OR5M1: variants seen among roughly 807,000 people sequenced by gnomAD.
OR5M1 encodes the protein olfactory receptor 5M1.
For synonymous variants in OR5M1, 165 were observed against 144.2 expected, an observed-to-expected ratio of 1.14 and a Z score of -1.04; for missense variants, 367 against 379.5, an observed-to-expected ratio of 0.97 and a Z score of 0.27.
chr11:56,613,367 T>A lies in OR5M1; in HGVS notation c.136A>T (p.Ile46Phe), dbSNP rs576331698. 1.5e-5 allele frequency: 25 copies of A among 1,613,634 alleles called. No individual in the cohort carries two copies. In the South Asian group the frequency reaches 2.5e-4, roughly 16 times the overall value. The stretch of plus-strand genomic sequence containing the variant: ...TGGGAATTGGTCCTGATCAGCAGGA[T>A]CATGCACAGGTTGCCTGCCAGTGTG... ...LITLAGNLCM[I>F]LLIRTNSHLQ... Residue 46 changes from isoleucine (I) to phenylalanine (F), a missense_variant, in exon 2 of 2, where the codon ATC becomes TTC. Ile to Phe is a conservative substitution (Grantham distance 21). Transcript: ENST00000641076.
At position 56,612,696 on chromosome 11, in the gene OR5M1, C is replaced by T. The variant is rs768629374; in HGVS notation, c.807G>A (p.Glu269=). The T allele has an allele frequency of 1.2e-6, 2 of 1,613,842 alleles. No homozygotes were observed. The highest frequency in any genetic ancestry group is 1.7e-6 in the Non-Finnish European group (2 of 1,179,796). ...AAAAGACTGCAGTTATTTTGGACTC[C>T]TCTACAGACTTCTCTGATGGAGGCC... is the stretch of plus-strand genomic sequence containing the variant. ...YVRPPSEKSV[E]ESKITAVFYT... Residue 269 remains glutamate, a synonymous_variant, in exon 2 of 2, where the codon GAG becomes GAA. Transcript: ENST00000641076.
At chr11:56,614,234 G>T (rs1248970730) in intron 1 of OR5M1, among the ~76,000 whole-genome samples, 1 of 152,008 alleles carries the variant, frequency 6.6e-6, no homozygotes, top group Non-Finnish European at 1.5e-5. Context: ...CCCAGCTCAG[G>T]GAGCACACAT....
rs888433292 is a variant in OR5M1, at chr11:56,609,291, T to C, written c.*3264A>G. 1.1e-4 allele frequency: 16 copies of C among 152,014 alleles called. No homozygotes were observed. Among genetic ancestry groups the C allele is most frequent in the Non-Finnish European group, 1.9e-4 (13 of 67,814 alleles). 9.4% of individuals were successfully genotyped at this position (152,014 alleles called of 1,614,324 possible). A position where few individuals can be genotyped will look rare whatever the true frequency, so the allele number is the denominator to read the frequency against. On this transcript the variant is annotated 3_prime_UTR_variant, in exon 2 of 2. Transcript: ENST00000641076. ...TAACAGCAATAAGCAAAAGGTCACA[T>C]TTTTCCAAATAGAAATACAAACATT...
chr11:56,613,421 A>G lies in OR5M1; in HGVS notation c.82T>C (p.Phe28Leu), dbSNP rs762506607. 6.2e-7 allele frequency: 1 copy of G among 1,613,682 alleles called. No homozygotes were observed. Among genetic ancestry groups the G allele is most frequent in the East Asian group, 2.2e-5 (1 of 44,874 alleles). Reference sequence around the variant, plus strand: ...AGGTAGATCGCAAGGAATACCCCAAACAGGATCTTCTCTAGCACTGGGTCG... The same window carrying G: ...AGGTAGATCGCAAGGAATACCCCAAGCAGGATCTTCTCTAGCACTGGGTCG... The part of the protein sequence containing the change: ...TDDPVLEKIL[F>L]GVFLAIYLIT... Residue 28 changes from phenylalanine (F) to leucine (L), a missense_variant, in exon 2 of 2, where the codon TTT becomes CTT. Transcript: ENST00000641076.
chr11:56,613,815 G>T (rs1234813045), intron 1 of OR5M1, among the ~76,000 whole-genome samples: 1 of 151,784 alleles, frequency 6.6e-6, no homozygotes, highest in Non-Finnish European at 1.5e-5. Context: ...TGTCTTCTTG[G>T]TGTACTCCAC....
chr11:56,612,803 T>C lies in OR5M1; in HGVS notation c.700A>G (p.Arg234Gly). ...GCACACGTAGAAAAGGCTTTGTGCC[T>C]GCCTTCAGCAGAACGGATCCTGAAG... ...AIFRIRSAEG[R>G]HKAFSTCASH... is the part of the protein sequence containing the mutation. The change falls in exon 2 of 2, where the codon AGG becomes GGG. Residue 234 changes from arginine to glycine, a missense_variant. Coordinates refer to ENST00000641076, the MANE Select transcript of OR5M1 (RefSeq NM_001004740.2). 6.2e-7 allele frequency: 1 copy of C among 1,613,736 alleles called. No individual in the cohort carries two copies. Among genetic ancestry groups the C allele is most frequent in the Non-Finnish European group, 8.5e-7 (1 of 1,179,760 alleles).
Position 56,610,102 on chromosome 11 carries a change from G to A in OR5M1, c.*2453C>T, listed in dbSNP as rs568409030. The A allele has an allele frequency of 2.6e-5, 4 of 151,956 alleles. No individual in the cohort carries two copies. The highest frequency in any genetic ancestry group is 5.9e-5 in the Non-Finnish European group (4 of 67,902). 9.4% of individuals were successfully genotyped at this position (151,956 alleles called of 1,614,324 possible). The stretch of plus-strand genomic sequence containing the variant: ...AAAATATAAAGAAAATGTATCCTTT[G>A]TCACAGGACAGATCCCTCATAAATT... On this transcript the variant is annotated 3_prime_UTR_variant, in exon 2 of 2. Transcript: ENST00000641076.
rs1290455420 is a variant in OR5M1 at position 56,611,415 on chromosome 11, C to T, written c.*1140G>A. On this transcript the variant is annotated 3_prime_UTR_variant, in exon 2 of 2. Coordinates refer to ENST00000641076, the MANE Select transcript of OR5M1 (RefSeq NM_001004740.2). ...AATATTCTGGAAAACCATTTGAACA[C>T]TTTATAGTAGATATAGTAGTTGATA... 2 of 152,028 alleles carry T rather than the reference C, an allele frequency of 1.3e-5. No individual in the cohort carries two copies. Among genetic ancestry groups the T allele is most frequent in the Admixed American group, 1.3e-4 (2 of 15,244 alleles). 9.4% of individuals were successfully genotyped at this position (152,028 alleles called of 1,614,324 possible). A position where few individuals can be genotyped will look rare whatever the true frequency, so the allele number is the denominator to read the frequency against.
chr11:56,611,498 A>G lies in OR5M1; in HGVS notation c.*1057T>C, dbSNP rs1049636896. ...TGGTGTTAGTTAATATCAGAGTGCA[A>G]AATATTAAAATGCCAAACATATGAG... On this transcript the variant is annotated 3_prime_UTR_variant, in exon 2 of 2. Transcript: ENST00000641076. 2 of 152,138 alleles carry G rather than the reference A, an allele frequency of 1.3e-5. No homozygotes were observed. Among genetic ancestry groups the G allele is most frequent in the Admixed American group, 6.6e-5 (1 of 15,260 alleles). 9.4% of individuals were successfully genotyped at this position (152,138 alleles called of 1,614,324 possible).
Position 56,609,770 on chromosome 11 carries a change from G to A in OR5M1, c.*2785C>T, listed in dbSNP as rs979902706. 1.3e-5 allele frequency: 2 copies of A among 151,954 alleles called. No homozygotes were observed. Among genetic ancestry groups the A allele is most frequent in the African/African-American group, 4.8e-5 (2 of 41,448 alleles). 9.4% of individuals were successfully genotyped at this position (151,954 alleles called of 1,614,324 possible). A position where few individuals can be genotyped will look rare whatever the true frequency, so the allele number is the denominator to read the frequency against. On this transcript the variant is annotated 3_prime_UTR_variant, in exon 2 of 2. Transcript: ENST00000641076. ...CAAATGGAATAAAACACAAGTGAAT[G>A]CTGAGTTCAGCTCTCTTCAGGTAGG...
rs1342431851 is a variant in OR5M1, at chr11:56,611,412, A to G, written c.*1143T>C. 6.6e-6 allele frequency: 1 copy of G among 152,138 alleles called. No homozygotes were observed. Among genetic ancestry groups the G allele is most frequent in the East Asian group, 1.9e-4 (1 of 5,194 alleles). The allele number at this position is 152,138 out of a possible 1,614,324, so 9.4% of individuals were successfully genotyped here. A position where few individuals can be genotyped will look rare whatever the true frequency, so the allele number is the denominator to read the frequency against. ...CTTAATATTCTGGAAAACCATTTGAACACTTTATAGTAGATATAGTAGTTG... is the reference window on the plus strand; with the variant it reads ...CTTAATATTCTGGAAAACCATTTGAGCACTTTATAGTAGATATAGTAGTTG... On this transcript the variant is annotated 3_prime_UTR_variant, in exon 2 of 2. Coordinates refer to ENST00000641076, the MANE Select transcript of OR5M1 (RefSeq NM_001004740.2).
In OR5M1 at chr11:56,611,280, C is replaced by G. The variant is rs1012027506; in HGVS notation, c.*1275G>C. Reference sequence around the variant, plus strand: ...AATTCTTGTCACCGAAATTTGCCTTCCTTCTTTTTCAGATACTGTTTCTGA... The same window carrying G: ...AATTCTTGTCACCGAAATTTGCCTTGCTTCTTTTTCAGATACTGTTTCTGA... On this transcript the variant is annotated 3_prime_UTR_variant, in exon 2 of 2. Coordinates refer to ENST00000641076, the MANE Select transcript of OR5M1 (RefSeq NM_001004740.2). 5.9e-5 allele frequency: 9 copies of G among 152,228 alleles called. No individual in the cohort carries two copies. Among genetic ancestry groups the G allele is most frequent in the Middle Eastern group, 3.4e-3 (1 of 294 alleles). 9.4% of individuals were successfully genotyped at this position (152,228 alleles called of 1,614,324 possible).
chr11:56,613,661 T>A, intron 1 of OR5M1, 142 bp from the exon 2 acceptor site: 1 of 680,600 alleles, frequency 1.5e-6, no homozygotes, highest in Non-Finnish European at 2.5e-6. Context: ...AAATTTTACA[T>A]AACATTGTCT....
rs765232857 is a variant in OR5M1, at chr11:56,610,151, C to T, written c.*2404G>A. The T allele has an allele frequency of 8.6e-5, 13 of 151,902 alleles. No homozygotes were observed. The highest frequency in any genetic ancestry group is 3.1e-4 in the African/African-American group (13 of 41,410). The allele number at this position is 151,902 out of a possible 1,614,324, so 9.4% of individuals were successfully genotyped here. ...TTTTACTCCCTCATATTTGTCTGTA[C>T]CTGGTAATTAATTAATATGAATATG... On this transcript the variant is annotated 3_prime_UTR_variant, in exon 2 of 2. Transcript: ENST00000641076.
At chr11:56,613,760 A>T (rs766480341) in intron 1 of OR5M1, among the ~76,000 whole-genome samples, 2 of 152,212 alleles carry the variant, frequency 1.3e-5, no homozygotes, top group African/African-American at 2.4e-5. Flanking sequence ...TCTCTCTGCC[A>T]TACATGTATA....
Position 56,613,474 on chromosome 11 carries a change from G to C in OR5M1, c.29C>G (p.Thr10Arg), listed in dbSNP as rs1853709262. MFSPNHTIVTEFILLGLTDD... is the reference protein window; with the variant it reads MFSPNHTIVREFILLGLTDD... ...TGTCAGTCCCAAGAGAATGAATTCTGTCACTATGGTGTGGTTTGGGGAGAA... is the reference window on the plus strand; with the variant it reads ...TGTCAGTCCCAAGAGAATGAATTCTCTCACTATGGTGTGGTTTGGGGAGAA... The change falls in exon 2 of 2, where the codon ACA becomes AGA. Residue 10 changes from threonine to arginine, a missense_variant. Transcript: ENST00000641076. 5.6e-6 allele frequency: 9 copies of C among 1,613,478 alleles called. No homozygotes were observed. The East Asian group carries it at 1.1e-4, about 20-fold the overall frequency.
chr11:56,611,176 T>C lies in OR5M1; in HGVS notation c.*1379A>G, dbSNP rs1853672948. The C allele has an allele frequency of 6.6e-6, 1 of 152,178 alleles. No homozygotes were observed. The highest frequency in any genetic ancestry group is 2.1e-4 in the South Asian group (1 of 4,832). The allele number at this position is 152,178 out of a possible 1,614,324, so 9.4% of individuals were successfully genotyped here. A position where few individuals can be genotyped will look rare whatever the true frequency, so the allele number is the denominator to read the frequency against. On this transcript the variant is annotated 3_prime_UTR_variant, in exon 2 of 2. Coordinates refer to ENST00000641076, the MANE Select transcript of OR5M1 (RefSeq NM_001004740.2). ...TCTGCTTCATTGTTGTCTCTGCAGA[T>C]GACCTTCCTCTGTTGTCCCACCATC...
In OR5M1 at chr11:56,613,455, T is replaced by G; in HGVS notation, c.48A>C (p.Gly16=). 1 of 1,613,642 alleles carries G rather than the reference T, an allele frequency of 6.2e-7. No individual in the cohort carries two copies. Among genetic ancestry groups the G allele is most frequent in the Non-Finnish European group, 8.5e-7 (1 of 1,179,646 alleles). The change falls in exon 2 of 2, where the codon GGA becomes GGC. Residue 16 remains glycine (G), a synonymous_variant. Coordinates refer to ENST00000641076, the MANE Select transcript of OR5M1 (RefSeq NM_001004740.2). ...HTIVTEFILL[G]LTDDPVLEKI... Reference sequence around the variant, plus strand: ...TCTCTAGCACTGGGTCGTCTGTCAGTCCCAAGAGAATGAATTCTGTCACTA... The same window carrying G: ...TCTCTAGCACTGGGTCGTCTGTCAGGCCCAAGAGAATGAATTCTGTCACTA...
chr11:56,613,653 A>G (rs1275455798), intron 1 of OR5M1, 134 bp from the exon 2 acceptor site: 8 of 709,318 alleles, frequency 1.1e-5, no homozygotes, highest in African/African-American at 5.4e-5. Flanking sequence ...CACATCGGAA[A>G]TTTTACATAA....
Sources: gnomAD v4.1 joint callset for allele counts (sites outside exome capture counted in the v4.1 genomes callset) on GRCh38, gnomAD v4.1.1 for gene constraint, MANE v1.5 for transcripts, NCBI Gene and HGNC (gene_info 2026-07-23, HGNC 2026-07-21) for gene names.